TBC1D5: variants seen among roughly 807,000 people sequenced by gnomAD.
TBC1D5 encodes TBC1 domain family, member 5.
A neutral mutation model predicts 100.3 loss-of-function variants in TBC1D5; 75 were observed. The observed-to-expected ratio is 0.75, with a 90% CI of 0.62 to 0.91. The LOEUF (loss-of-function observed/expected upper bound fraction) is 0.91. Among genes scored for constraint, TBC1D5 ranks in the 40% least tolerant of loss-of-function variants. TBC1D5 has a pLI of 0.00. For synonymous variants in TBC1D5, 323 were observed against 325.6 expected (o/e 0.99, Z 0.09); for missense variants, 910 against 942.4 (o/e 0.97, Z 0.45).
At chr3:17,248,492 T>C (rs928282530) in intron 16 of TBC1D5, among the ~76,000 whole-genome samples, 2 of 152,176 alleles carry the variant, frequency 1.3e-5, no homozygotes, top group East Asian at 1.9e-4. Context: ...GGAATCACTA[T>C]CTATGGCAGC....
At chr3:17,690,944 T>C (rs1197677220) in intron 1 of TBC1D5, among the ~76,000 whole-genome samples, 1 of 152,142 alleles carries the variant, frequency 6.6e-6, no homozygotes, top group Non-Finnish European at 1.5e-5. Context: ...AATCTAACTT[T>C]AAAACAGAGG....
At chr3:17,235,754 T>C (rs1426332382) in intron 17 of TBC1D5, among the ~76,000 whole-genome samples, 1 of 152,160 alleles carries the variant, frequency 6.6e-6, no homozygotes, top group African/African-American at 2.4e-5. Context: ...GGCTCATCAA[T>C]GGATGAATAG....
chr3:17,727,475 T>C (rs1220316201), intron 1 of TBC1D5, among the ~76,000 whole-genome samples: 1 of 152,194 alleles, frequency 6.6e-6, no homozygotes, highest in Non-Finnish European at 1.5e-5. Context: ...TTCAATCTTG[T>C]TTCTGCCAAG....
intron 13 of TBC1D5, among the ~76,000 whole-genome samples, chr3:17,371,248 A>G (rs2092440588): frequency 6.6e-6 from 1 of 152,180 alleles, no homozygotes; most frequent in African/African-American, 2.4e-5. Context: ...AGGGTAGAAC[A>G]AAAGATGATC....
intron 7 of TBC1D5, 62 bp from the exon 8 acceptor site, chr3:17,403,310 CA>C: frequency 8.6e-7 from 1 of 1,158,756 alleles, no homozygotes; most frequent in Non-Finnish European, 1.2e-6. Context: ...TTAGTGATTT[CA>C]ATTTAATAAT....
At position 17,528,749 on chromosome 3, in the gene TBC1D5, A is replaced by G. The variant is rs936648289; in HGVS notation, c.-35-20144T>C. Among the ~76,000 whole-genome samples, 4 of 152,324 alleles carry G rather than the reference A, an allele frequency of 2.6e-5. No individual in the cohort carries two copies. The Middle Eastern group carries it at 0.01, about 389-fold the overall frequency. ...GCCAGAAAAAGAATTAAGCACTACAATATTTTGTGGAAAAGCCAGGTAGTT... is the reference window on the plus strand; with the variant it reads ...GCCAGAAAAAGAATTAAGCACTACAGTATTTTGTGGAAAAGCCAGGTAGTT... On this transcript the variant is annotated intron_variant, in intron 2 of 21. Coordinates refer to ENST00000253692, the Ensembl canonical transcript of TBC1D5.
chr3:17,162,527 G>A (rs904184984), intron 21 of TBC1D5, among the ~76,000 whole-genome samples: 1 of 152,144 alleles, frequency 6.6e-6, no homozygotes, highest in African/African-American at 2.4e-5. Flanking sequence ...AACGTAATTG[G>A]CCTTTAGGAT....
intron 15 of TBC1D5, among the ~76,000 whole-genome samples, chr3:17,274,221 C>T (rs1169866710): frequency 1.3e-5 from 2 of 152,162 alleles, no homozygotes; most frequent in African/African-American, 2.4e-5. Flanking sequence ...AACTGTGTTA[C>T]CTCTAAGATA....
At chr3:17,295,328 C>A (rs867243337) in intron 14 of TBC1D5, among the ~76,000 whole-genome samples, 4 of 152,164 alleles carry the variant, frequency 2.6e-5, no homozygotes, top group South Asian at 2.1e-4. Context: ...TAGAGACAAT[C>A]CTGCTTACTC....
intron 2 of TBC1D5, among the ~76,000 whole-genome samples, chr3:17,540,960 G>A (rs963615539): frequency 7.0e-6 from 1 of 142,738 alleles, no homozygotes; most frequent in East Asian, 2.1e-4. Flanking sequence ...AAAAAAATCA[G>A]TTGACCATAT....
intron 18 of TBC1D5, among the ~76,000 whole-genome samples, chr3:17,193,049 C>T (rs2070166515): frequency 6.6e-6 from 1 of 152,224 alleles, no homozygotes. Context: ...TTAGTTTCCC[C>T]CAGAAACTTG....
intron 16 of TBC1D5, among the ~76,000 whole-genome samples, chr3:17,254,079 T>C (rs1417503537): frequency 1.3e-5 from 2 of 152,234 alleles, no homozygotes; most frequent in Admixed American, 1.3e-4. Context: ...ATTATTTGAA[T>C]GTACCACAAA....
intron 16 of TBC1D5, among the ~76,000 whole-genome samples, chr3:17,244,414 G>C (rs904066438): frequency 3.3e-5 from 5 of 152,102 alleles, no homozygotes; most frequent in Admixed American, 1.3e-4. Context: ...TCCAAATGAA[G>C]GTGCCTATTT....
chr3:17,189,248 GT>G (rs1201700803), intron 18 of TBC1D5, among the ~76,000 whole-genome samples: 2 of 152,156 alleles, frequency 1.3e-5, no homozygotes, highest in Non-Finnish European at 2.9e-5. Flanking sequence ...TAAATACAAA[GT>G]TTTATGATTC....
chr3:17,177,852 G>A (rs953156227), intron 19 of TBC1D5, among the ~76,000 whole-genome samples: 2 of 152,000 alleles, frequency 1.3e-5, no homozygotes, highest in Non-Finnish European at 2.9e-5. Context: ...GGGTGAATGA[G>A]GTATCTCCAT....
chr3:17,635,286 C>CTT (rs1475310621), intron 1 of TBC1D5, among the ~76,000 whole-genome samples: 1 of 152,174 alleles, frequency 6.6e-6, no homozygotes, highest in East Asian at 1.9e-4. Context: ...TTAAATGGAT[C>CTT]ATAAGCCTGA....
intron 3 of TBC1D5, among the ~76,000 whole-genome samples, chr3:17,440,979 GGTGAA>G (rs1283804998): frequency 1.3e-5 from 2 of 152,100 alleles, no homozygotes; most frequent in Non-Finnish European, 2.9e-5. Flanking sequence ...TGAAGTTCAG[GGTGAA>G]GTGATTTGTG....
At chr3:17,507,639 CTTTTTA>C in intron 3 of TBC1D5, among the ~76,000 whole-genome samples, 1 of 152,166 alleles carries the variant, frequency 6.6e-6, no homozygotes, top group South Asian at 2.1e-4. Flanking sequence ...ACTAATTTTC[CTTTTTA>C]TAACAGTTTG....
chr3:17,740,733 C>T (rs2077359569), exon 1 of TBC1D5: 1 of 152,214 alleles, frequency 6.6e-6, no homozygotes, highest in Non-Finnish European at 1.5e-5. Flanking sequence ...TTTGAGAGCA[C>T]ACACTCAATA....
Sources: allele counts gnomAD v4.1 joint callset (sites outside exome capture counted in the v4.1 genomes callset), GRCh38; gene constraint gnomAD v4.1.1; transcripts MANE v1.5; gene names NCBI Gene and HGNC (gene_info 2026-07-23, HGNC 2026-07-21).